ZRANB3: variants seen among roughly 807,000 people sequenced by gnomAD.
ZRANB3 encodes DNA annealing helicase and endonuclease ZRANB3.
ZRANB3 carries 125 observed loss-of-function variants against 133.8 expected under a neutral mutation model. The observed-to-expected ratio is 0.93, with a 90% CI of 0.81 to 1.08. ZRANB3 has a LOEUF of 1.08. ZRANB3 is among the 50% of genes least tolerant of loss of function. The probability of loss-of-function intolerance (pLI) is 0.00; values close to 1 mark genes in which losing one functional copy is unlikely to be tolerated. For synonymous variants in ZRANB3, 387 were observed against 432.7 expected (o/e 0.89, Z 1.31); for missense variants, 1,229 against 1,275.5 (o/e 0.96, Z 0.56).
intron 3 of ZRANB3, among the ~76,000 whole-genome samples, chr2:135,364,593 C>A (rs767916193): frequency 6.6e-6 from 1 of 151,730 alleles, no homozygotes; most frequent in East Asian, 1.9e-4. Context: ...ACTAAAAATA[C>A]AAAAATTAGG....
intron 19 of ZRANB3, 149 bp from the exon 20 acceptor site, chr2:135,203,112 G>GA (rs1693692231): frequency 5.5e-6 from 5 of 915,394 alleles, no homozygotes; most frequent in East Asian, 3.0e-5. Flanking sequence ...ATTGTGAGTA[G>GA]AAAAAACCCT....
chr2:135,253,144 T>C (rs530352057), intron 12 of ZRANB3, among the ~76,000 whole-genome samples: 3 of 152,290 alleles, frequency 2.0e-5, no homozygotes, highest in Non-Finnish European at 2.9e-5. Flanking sequence ...GTAAAAGCTA[T>C]ATTGAAGAAC....
At chr2:135,466,824 C>T (rs1419744741) in intron 2 of ZRANB3, among the ~76,000 whole-genome samples, 1 of 151,926 alleles carries the variant, frequency 6.6e-6, no homozygotes, top group Non-Finnish European at 1.5e-5. Context: ...AATACAGGCA[C>T]ACACCACTGC....
intron 2 of ZRANB3, among the ~76,000 whole-genome samples, chr2:135,493,857 C>T (rs1004744262): frequency 6.6e-6 from 1 of 152,124 alleles, no homozygotes; most frequent in African/African-American, 2.4e-5. Flanking sequence ...AGCTCTAAAC[C>T]AGAGCCAACC....
Position 135,369,703 on chromosome 2 carries a change from T to A in ZRANB3, c.181-16075A>T, listed in dbSNP as rs139162469. 3.0e-3 allele frequency among the ~76,000 whole-genome samples: 453 copies of A among 152,312 alleles called. 3 individuals are homozygous for A. Among genetic ancestry groups the A allele is most frequent in the African/African-American group, 0.01 (422 of 41,570 alleles). On this transcript the variant is annotated intron_variant, in intron 3 of 20. Coordinates refer to ENST00000264159, the MANE Select transcript of ZRANB3 (RefSeq NM_032143.4). ...GTGGGGACCTCATAGTCCCATACCC[T>A]CAGTCTCAACCTCAGTTCTGTGAAA... is the stretch of plus-strand genomic sequence containing the variant.
intron 2 of ZRANB3, among the ~76,000 whole-genome samples, chr2:135,441,775 A>G (rs1689790729): frequency 6.6e-6 from 1 of 152,126 alleles, no homozygotes; most frequent in African/African-American, 2.4e-5. Context: ...TATAATTCCT[A>G]GAGCAACAAT....
intron 6 of ZRANB3, among the ~76,000 whole-genome samples, chr2:135,319,928 T>C (rs1015987083): frequency 2.6e-5 from 4 of 152,308 alleles, no homozygotes; most frequent in South Asian, 2.1e-4. Context: ...TTTTAATATA[T>C]TGAAAGTGTC....
At chr2:135,513,989 G>A (rs956197356) in intron 1 of ZRANB3, among the ~76,000 whole-genome samples, 3 of 152,070 alleles carry the variant, frequency 2.0e-5, no homozygotes, top group African/African-American at 7.2e-5. Flanking sequence ...TGATCCATTG[G>A]TTTATATATC....
chr2:135,341,194 T>C (rs1188018594), intron 6 of ZRANB3, among the ~76,000 whole-genome samples: 1 of 149,528 alleles, frequency 6.7e-6, no homozygotes, highest in Non-Finnish European at 1.5e-5. Context: ...TAATTTTTTT[T>C]CTTGTTGTTT....
chr2:135,370,050 T>C (rs980893935), intron 3 of ZRANB3, among the ~76,000 whole-genome samples: 2 of 139,732 alleles, frequency 1.4e-5, no homozygotes, highest in African/African-American at 5.9e-5. Context: ...TTTTTTTTTT[T>C]TTAATATCCT....
chr2:135,282,778 T>A (rs968223024), intron 8 of ZRANB3, among the ~76,000 whole-genome samples: 1 of 152,152 alleles, frequency 6.6e-6, no homozygotes, highest in Non-Finnish European at 1.5e-5. Context: ...GGATCCTAAA[T>A]CTTTCCATAA....
At chr2:135,356,105 C>G (rs1179297797) in intron 3 of ZRANB3, among the ~76,000 whole-genome samples, 2 of 151,698 alleles carry the variant, frequency 1.3e-5, no homozygotes, top group African/African-American at 4.8e-5. Context: ...CTACTGAGAT[C>G]AGGTATGTAA....
intron 7 of ZRANB3, 47 bp downstream of exon 7, chr2:135,315,312 T>C (rs1683197592): frequency 1.4e-6 from 2 of 1,412,642 alleles, no homozygotes; most frequent in South Asian, 3.8e-5. Flanking sequence ...AATAGTGTAA[T>C]TCAAAATTAT....
At chr2:135,397,639 C>T (rs1687552167) in intron 2 of ZRANB3, among the ~76,000 whole-genome samples, 2 of 152,184 alleles carry the variant, frequency 1.3e-5, no homozygotes, top group South Asian at 4.2e-4. Context: ...GCCAAGAACC[C>T]ATTTCTAATT....
At chr2:135,410,904 A>G (rs1450093630) in intron 2 of ZRANB3, among the ~76,000 whole-genome samples, 1 of 152,090 alleles carries the variant, frequency 6.6e-6, no homozygotes, top group East Asian at 1.9e-4. Flanking sequence ...AAACCACAAT[A>G]AGATACCATC....
intron 3 of ZRANB3, among the ~76,000 whole-genome samples, chr2:135,375,298 G>A (rs913212080): frequency 1.3e-5 from 2 of 152,134 alleles, no homozygotes; most frequent in African/African-American, 4.8e-5. Context: ...AACGCTTGCA[G>A]TCCCAGCACT....
At chr2:135,423,963 CT>C (rs1289822489) in intron 2 of ZRANB3, among the ~76,000 whole-genome samples, 4 of 152,114 alleles carry the variant, frequency 2.6e-5, no homozygotes, top group Non-Finnish European at 5.9e-5. Context: ...TTCTGACTGC[CT>C]TTTTGCTGTC....
At chr2:135,524,784 T>A (rs977840923) in intron 1 of ZRANB3, among the ~76,000 whole-genome samples, 4 of 152,034 alleles carry the variant, frequency 2.6e-5, no homozygotes, top group African/African-American at 9.7e-5. Context: ...TAAATGAGAA[T>A]TGTGAATATG....
At chr2:135,233,053 T>A (rs973478773) in intron 12 of ZRANB3, among the ~76,000 whole-genome samples, 1 of 152,030 alleles carries the variant, frequency 6.6e-6, no homozygotes, top group Non-Finnish European at 1.5e-5. Flanking sequence ...GAAAAAAAAT[T>A]AGACGAATGG....
Sources: gnomAD v4.1 joint callset for allele counts (sites outside exome capture counted in the v4.1 genomes callset) on GRCh38, gnomAD v4.1.1 for gene constraint, MANE v1.5 for transcripts, NCBI Gene and HGNC (gene_info 2026-07-23, HGNC 2026-07-21) for gene names.